The following RIMS2 variants were observed in gnomAD, a reference collection of about 807,000 sequenced individuals.
The protein encoded by RIMS2 is regulating synaptic membrane exocytosis protein 2.
RIMS2 carries 59 observed loss-of-function variants against 174.4 expected under a neutral mutation model. The ratio of observed to expected loss-of-function variants is 0.34; its 90% CI spans 0.27 to 0.42. The LOEUF (loss-of-function observed/expected upper bound fraction) is 0.42, where lower values mean the gene tolerates loss of function less well. Ranked by LOEUF, RIMS2 falls within the 10% of genes least tolerant of loss-of-function variation. The pLI is 1.00. For missense variants in RIMS2, 1,620 were observed against 1,666.3 expected, an observed-to-expected ratio of 0.97 and a Z score of 0.48; for synonymous variants, 606 against 572.5, an observed-to-expected ratio of 1.06 and a Z score of -0.84.
At chr8:104,232,973 AG>A (rs1449963021) in intron 19 of RIMS2, among the ~76,000 whole-genome samples, 1 of 131,796 alleles carries the variant, frequency 7.6e-6, no homozygotes, top group Admixed American at 7.3e-5. Flanking sequence ...ACCAGTGGTA[AG>A]AAAAAAAAAA....
intron 2 of RIMS2, among the ~76,000 whole-genome samples, chr8:103,714,718 T>A (rs1053505384): frequency 3.3e-5 from 5 of 152,126 alleles, no homozygotes; most frequent in Non-Finnish European, 7.3e-5. Flanking sequence ...AAAATAATGA[T>A]AGAATCAATG....
rs756432588 is a variant in RIMS2 at position 103,533,123 on chromosome 8, CA to C, written c.176+32066del. Among the ~76,000 whole-genome samples, 8 of 152,190 alleles carry C rather than the reference CA, an allele frequency of 5.3e-5. No individual in the cohort carries two copies. The South Asian group carries it at 8.3e-4, about 16-fold the overall frequency. ...TAATAAATGAAAATAAGGCTGTGAC[CA>C]AAAAGTAAGTTTCTAAGTGGTTCTC... On this transcript the variant is annotated intron_variant, in intron 1 of 23. Transcript: ENST00000504942.
At chr8:103,716,349 A>T (rs2097367896) in intron 2 of RIMS2, 29 bp downstream of exon 5, 1 of 151,876 alleles carries the variant, frequency 6.6e-6, no homozygotes, top group African/African-American at 2.4e-5. Context: ...GTCTAATATT[A>T]GTTTTTCCTT....
intron 19 of RIMS2, among the ~76,000 whole-genome samples, chr8:104,021,487 T>C (rs892065457): frequency 3.3e-5 from 5 of 152,200 alleles, no homozygotes; most frequent in Non-Finnish European, 7.3e-5. Context: ...TCTGAAATAA[T>C]AAATATATCT....
chr8:103,920,607 C>T (rs777849272), intron 9 of RIMS2: 2 of 455,982 alleles, frequency 4.4e-6, no homozygotes, highest in South Asian at 1.6e-5. Flanking sequence ...CTTCCACATA[C>T]CTGCTTTACA....
At chr8:103,639,310 TA>T (rs954476824) in intron 1 of RIMS2, among the ~76,000 whole-genome samples, 11 of 151,448 alleles carry the variant, frequency 7.3e-5, no homozygotes, top group East Asian at 1.9e-4. Flanking sequence ...TCCAGGGATT[TA>T]AAAAAAAAGT....
At chr8:103,749,831 G>A (rs1269881442) in intron 2 of RIMS2, among the ~76,000 whole-genome samples, 1 of 152,074 alleles carries the variant, frequency 6.6e-6, no homozygotes, top group Non-Finnish European at 1.5e-5. Flanking sequence ...TGTTCTAAAT[G>A]AAATTTTATC....
At chr8:104,150,903 A>T (rs182472576) in intron 19 of RIMS2, among the ~76,000 whole-genome samples, 111 of 152,280 alleles carry the variant, frequency 7.3e-4, no homozygotes, top group Admixed American at 1.5e-3. Flanking sequence ...AGTACCTATC[A>T]TTTGCCAGGG....
At chr8:103,823,973 T>G (rs1252593128) in intron 3 of RIMS2, among the ~76,000 whole-genome samples, 1 of 152,078 alleles carries the variant, frequency 6.6e-6, no homozygotes, top group East Asian at 1.9e-4. Flanking sequence ...TTTTTATAAC[T>G]ATAACATTAT....
At chr8:104,036,470 A>G (rs2096520023) in intron 19 of RIMS2, among the ~76,000 whole-genome samples, 1 of 151,626 alleles carries the variant, frequency 6.6e-6, no homozygotes, top group Non-Finnish European at 1.5e-5. Flanking sequence ...ATTATTTTAA[A>G]CTCCCTCAGT....
chr8:103,879,975 T>TA (rs370337261), intron 3 of RIMS2, among the ~76,000 whole-genome samples: 141 of 151,760 alleles, frequency 9.3e-4, no homozygotes, highest in Non-Finnish European at 1.7e-3. Flanking sequence ...GATTTAAACT[T>TA]AGTGTCTAAC....
chr8:103,783,402 CA>C (rs1356341384), intron 3 of RIMS2, among the ~76,000 whole-genome samples: 2 of 150,706 alleles, frequency 1.3e-5, no homozygotes, highest in African/African-American at 2.4e-5. Flanking sequence ...GTATATCTCC[CA>C]ATGCTATCCC....
intron 15 of RIMS2, among the ~76,000 whole-genome samples, chr8:103,973,255 A>AT (rs916753021): frequency 1.5e-4 from 23 of 152,008 alleles, no homozygotes; most frequent in African/African-American, 4.6e-4. Flanking sequence ...CTTAATTTAG[A>AT]TTTTTTTTAC....
chr8:104,198,789 GC>G lies in RIMS2; in HGVS notation c.3335-46125del, dbSNP rs773624462. Among the ~76,000 whole-genome samples, 353 of 152,248 alleles carry G rather than the reference GC, an allele frequency of 2.3e-3. 2 individuals are homozygous for G. The highest frequency in any genetic ancestry group is 6.6e-3 in the Admixed American group (101 of 15,286). On this transcript the variant is annotated intron_variant, in intron 19 of 23. Transcript: ENST00000504942. ...GGTCCAGTCCTCGTCACCAGAGACT[GC>G]CAAGGGAGCAAAATTCCACCACCAT...
chr8:103,979,732 C>A (rs1565650004), intron 16 of RIMS2, among the ~76,000 whole-genome samples: 1 of 152,186 alleles, frequency 6.6e-6, no homozygotes, highest in African/African-American at 2.4e-5. Flanking sequence ...CTTCTCCTAA[C>A]CCCCAGCAAC....
chr8:103,694,029 G>C (rs1418252785), intron 1 of RIMS2, among the ~76,000 whole-genome samples: 2 of 152,118 alleles, frequency 1.3e-5, no homozygotes, highest in Admixed American at 1.3e-4. Flanking sequence ...ACTTGTTCTT[G>C]TGTCCGCAAG....
At chr8:103,915,556 A>C (rs1160614333) in exon 7 of RIMS2, 1 of 1,606,376 alleles carries the variant, frequency 6.2e-7, no homozygotes, top group African/African-American at 1.3e-5. Context: ...AAAGTAAAAA[A>C]AGGAAGTTTA....
At chr8:103,508,035 C>T (rs938568355) in intron 1 of RIMS2, among the ~76,000 whole-genome samples, 1 of 152,086 alleles carries the variant, frequency 6.6e-6, no homozygotes, top group African/African-American at 2.4e-5. Context: ...TTTATTGCCT[C>T]TATGGTATTG....
rs554591995 is a variant in RIMS2, at chr8:104,206,566, G to C, written c.3335-38350G>C. Among the ~76,000 whole-genome samples, 6 of 152,250 alleles carry C rather than the reference G, an allele frequency of 3.9e-5. No homozygotes were observed. The South Asian group carries it at 8.3e-4, about 21-fold the overall frequency. ...TTATGTACCACGCATTGTACTGGGG[G>C]CTTCGTATTCACTGTTAAATGAAGT... On this transcript the variant is annotated intron_variant, in intron 19 of 23. Transcript: ENST00000504942.
Sources: allele counts gnomAD v4.1 joint callset (sites outside exome capture counted in the v4.1 genomes callset), GRCh38; gene constraint gnomAD v4.1.1; transcripts MANE v1.5; gene names NCBI Gene and HGNC (gene_info 2026-07-23, HGNC 2026-07-21).